USP34: variants seen among roughly 807,000 people sequenced by gnomAD.
USP34 encodes ubiquitin carboxyl-terminal hydrolase 34.
In USP34, 70 loss-of-function variants were observed where a neutral mutation model predicts 460.3. The ratio of observed to expected loss-of-function variants is 0.15; its 90% confidence interval spans 0.13 to 0.19. USP34 has a LOEUF of 0.19. USP34 is among the 10% of genes least tolerant of loss of function. The probability of loss-of-function intolerance (pLI) is 1.00; values close to 1 mark genes in which losing one functional copy is unlikely to be tolerated. For synonymous variants in USP34, 1,647 were observed against 1,405.3 expected, an observed-to-expected ratio of 1.17 and a Z score of -3.85; for missense variants, 3,985 against 4,236.2, an observed-to-expected ratio of 0.94 and a Z score of 1.65.
chr2:61,453,218 C>T (rs1223355524), intron 1 of USP34, among the ~76,000 whole-genome samples: 1 of 152,008 alleles, frequency 6.6e-6, no homozygotes, highest in Middle Eastern at 3.2e-3. Flanking sequence ...CGAGACCAGC[C>T]TGGGCAACAT....
At position 61,301,163 on chromosome 2, in the gene USP34, A is replaced by AT; in HGVS notation, c.3919-4dup. ...GCACCCAAAGATACAAATACCATCT[A>AT]TAAAAAACAGGAAAAAAAATTTATG... On this transcript the variant is annotated splice_polypyrimidine_tract_variant and splice_region_variant and intron_variant, in intron 28 of 79. Coordinates refer to ENST00000398571, the MANE Select transcript of USP34 (RefSeq NM_014709.4). The AT allele has an allele frequency of 6.4e-7, 1 of 1,557,004 alleles. No individual in the cohort carries two copies. The highest frequency in any genetic ancestry group is 2.3e-5 in the East Asian group (1 of 43,810).
At chr2:61,342,373 T>G (rs1009528950) in intron 16 of USP34, among the ~76,000 whole-genome samples, 1 of 142,530 alleles carries the variant, frequency 7.0e-6, no homozygotes, top group African/African-American at 2.6e-5. Context: ...TGATCTCGGC[T>G]CACTGCAACC....
At chr2:61,386,893 A>C (rs1274550132) in intron 5 of USP34, among the ~76,000 whole-genome samples, 1 of 152,232 alleles carries the variant, frequency 6.6e-6, no homozygotes, top group East Asian at 1.9e-4. Flanking sequence ...GAAAAATGAC[A>C]AACTGTACAA....
chr2:61,247,059 A>C (rs1688435131), intron 49 of USP34, among the ~76,000 whole-genome samples: 1 of 152,208 alleles, frequency 6.6e-6, no homozygotes, highest in Non-Finnish European at 1.5e-5. Context: ...ACTACGTATT[A>C]AGAGATTTGT....
chr2:61,259,679 C>T (rs1218868982), intron 44 of USP34, 32 bp downstream of exon 44: 3 of 1,602,860 alleles, frequency 1.9e-6, no homozygotes, highest in African/African-American at 2.7e-5. Flanking sequence ...AGCCACAGTG[C>T]CTGGCCTAGC....
At chr2:61,468,091 A>G (rs1162434598) in intron 1 of USP34, among the ~76,000 whole-genome samples, 1 of 152,202 alleles carries the variant, frequency 6.6e-6, no homozygotes, top group Non-Finnish European at 1.5e-5. Flanking sequence ...CATGTTCATT[A>G]TCATGCTCCA....
intron 39 of USP34, among the ~76,000 whole-genome samples, chr2:61,279,652 G>A (rs1457292300): frequency 6.6e-6 from 1 of 152,142 alleles, no homozygotes; most frequent in Admixed American, 6.6e-5. Flanking sequence ...TTTTAGTAGA[G>A]ATGGGGTTTC....
At chr2:61,258,143 C>G (rs905189341) in intron 44 of USP34, among the ~76,000 whole-genome samples, 2 of 152,052 alleles carry the variant, frequency 1.3e-5, no homozygotes, top group African/African-American at 4.8e-5. Flanking sequence ...TGCTTGAGCC[C>G]AGGAGTTCAG....
chr2:61,222,792 G>A (rs1687623128), intron 64 of USP34, 129 bp from the exon 65 acceptor site: 2 of 843,604 alleles, frequency 2.4e-6, no homozygotes, highest in South Asian at 3.4e-5. Context: ...CACTTCTCAG[G>A]CTCAAGCGAT....
intron 10 of USP34, among the ~76,000 whole-genome samples, chr2:61,356,963 T>A (rs1692126817): frequency 6.6e-6 from 1 of 152,122 alleles, no homozygotes. Flanking sequence ...ATAAACATTA[T>A]GAAAGAATGG....
intron 51 of USP34, among the ~76,000 whole-genome samples, chr2:61,244,880 A>C (rs532553459): frequency 1.3e-5 from 2 of 152,290 alleles, no homozygotes; most frequent in African/African-American, 2.4e-5. Context: ...TTAAGTCAGT[A>C]AACAGTAATT....
At chr2:61,206,172 C>A in intron 71 of USP34, 48 bp from the exon 72 acceptor site, 1 of 1,495,248 alleles carries the variant, frequency 6.7e-7, no homozygotes, top group East Asian at 2.3e-5. Flanking sequence ...GATCAAACTT[C>A]CTCACAAATG....
chr2:61,465,452 A>G (rs1695732417), intron 1 of USP34, among the ~76,000 whole-genome samples: 2 of 152,230 alleles, frequency 1.3e-5, no homozygotes, highest in South Asian at 4.1e-4. Context: ...GCCAAACTTT[A>G]AACATTCCAC....
Position 61,325,439 on chromosome 2 carries a change from T to C in USP34, c.2949A>G (p.Glu983=), listed in dbSNP as rs752947153. 1 of 1,551,050 alleles carries C rather than the reference T, an allele frequency of 6.4e-7. No individual in the cohort carries two copies. The highest frequency in any genetic ancestry group is 8.6e-7 in the Non-Finnish European group (1 of 1,158,318). The change falls in exon 21 of 80, where the codon GAA becomes GAG. Residue 983 remains glutamate, a synonymous_variant. Transcript: ENST00000398571. ...TCAAGAATTGAAGACGAACTTGAAC[T>C]TCAGCACTATGGCTGTACCTATAAT... ...QKHALYSHSA[E]VQVRLQFLTC...
At chr2:61,338,234 T>A (rs1691486069) in intron 18 of USP34, among the ~76,000 whole-genome samples, 1 of 152,132 alleles carries the variant, frequency 6.6e-6, no homozygotes, top group African/African-American at 2.4e-5. Flanking sequence ...GGTGGGAGAA[T>A]CGCTTGAATG....
intron 71 of USP34, 62 bp downstream of exon 71, chr2:61,206,698 T>G: frequency 6.3e-7 from 1 of 1,577,902 alleles, no homozygotes. Flanking sequence ...CACATGATTT[T>G]AAAACCTTCT....
chr2:61,353,349 C>T (rs1692004921), intron 10 of USP34, among the ~76,000 whole-genome samples: 1 of 150,254 alleles, frequency 6.7e-6, no homozygotes, highest in African/African-American at 2.4e-5. Context: ...AAAAAGTCCA[C>T]AGAAAATATA....
At chr2:61,258,396 A>C (rs1688778408) in intron 44 of USP34, among the ~76,000 whole-genome samples, 1 of 152,218 alleles carries the variant, frequency 6.6e-6, no homozygotes, top group Admixed American at 6.5e-5. Flanking sequence ...AACAGGTGAG[A>C]AAAGTAACAT....
At chr2:61,199,265 T>C (rs1383302074) in intron 75 of USP34, among the ~76,000 whole-genome samples, 1 of 152,108 alleles carries the variant, frequency 6.6e-6, no homozygotes, top group Non-Finnish European at 1.5e-5. Context: ...TTAAGTCCTT[T>C]TTTTTTTGAG....
Sources: allele counts gnomAD v4.1 joint callset (sites outside exome capture counted in the v4.1 genomes callset), GRCh38; gene constraint gnomAD v4.1.1; transcripts MANE v1.5; gene names NCBI Gene and HGNC (gene_info 2026-07-23, HGNC 2026-07-21).